DLG2: variants seen among roughly 807,000 people sequenced by gnomAD.
DLG2 encodes the protein disks large homolog 2.
Under a neutral mutation model 132.5 loss-of-function variants are expected in DLG2, and 45 were observed. That is an observed-to-expected ratio of 0.34 (90% confidence interval 0.27 to 0.44). DLG2 has a LOEUF of 0.44. DLG2 is among the 20% of genes least tolerant of loss of function. The pLI, the probability that DLG2 is intolerant of heterozygous loss-of-function variation, is 1.00. For synonymous variants in DLG2, 424 were observed against 419.6 expected, an observed-to-expected ratio of 1.01 and a Z score of -0.13; for missense variants, 1,045 against 1,196.9, an observed-to-expected ratio of 0.87 and a Z score of 1.87.
chr11:84,263,383 T>C (rs1015439473), intron 7 of DLG2, among the ~76,000 whole-genome samples: 1 of 152,176 alleles, frequency 6.6e-6, no homozygotes, highest in Admixed American at 6.6e-5. Context: ...AGAAATTGGT[T>C]TCTAATGACT....
At chr11:83,849,977 A>G (rs1029681603) in intron 16 of DLG2, among the ~76,000 whole-genome samples, 1 of 152,098 alleles carries the variant, frequency 6.6e-6, no homozygotes, top group Non-Finnish European at 1.5e-5. Flanking sequence ...AGGTAAATAC[A>G]CTTCTGGTGC....
chr11:85,423,389 A>C (rs1485646374), intron 3 of DLG2, among the ~76,000 whole-genome samples: 1 of 152,148 alleles, frequency 6.6e-6, no homozygotes, highest in Admixed American at 6.5e-5. Flanking sequence ...TTAATGCACT[A>C]TATTTTGCTG....
intron 3 of DLG2, among the ~76,000 whole-genome samples, chr11:85,414,743 A>G (rs1345732825): frequency 1.3e-5 from 2 of 152,042 alleles, no homozygotes; most frequent in East Asian, 3.9e-4. Context: ...CATTTCTTAC[A>G]TCTATTAGCG....
intron 4 of DLG2, among the ~76,000 whole-genome samples, chr11:85,182,728 A>G (rs1306252101): frequency 6.6e-6 from 1 of 151,416 alleles, no homozygotes; most frequent in Admixed American, 6.6e-5. Context: ...ATAGAAGGGT[A>G]GGAAGCCACA....
intron 11 of DLG2, among the ~76,000 whole-genome samples, chr11:84,058,506 C>T (rs1945810): frequency 0.72 from 92,351 of 127,918 alleles, 31,407 homozygotes; most frequent in Non-Finnish European, 0.79. Flanking sequence ...AAAACAAATA[C>T]AATAATAATA....
At chr11:85,191,139 T>C (rs2080499825) in intron 4 of DLG2, among the ~76,000 whole-genome samples, 1 of 148,640 alleles carries the variant, frequency 6.7e-6, no homozygotes, top group Admixed American at 6.7e-5. Context: ...TTTGTCTATA[T>C]GCATGCGCGC....
chr11:83,918,845 A>G (rs1045077411), intron 15 of DLG2, among the ~76,000 whole-genome samples: 19 of 152,284 alleles, frequency 1.2e-4, no homozygotes, highest in Admixed American at 4.6e-4. Flanking sequence ...TTGGTCAAAA[A>G]AAAAAAGTCT....
rs57368957 is a variant in DLG2 at position 84,740,737 on chromosome 11, C to T, written c.358-206006G>A. On this transcript the variant is annotated intron_variant, in intron 6 of 27. Coordinates refer to ENST00000376104, the MANE Select transcript of DLG2 (RefSeq NM_001142699.3). ...CAGGGAAACCAACCCCTGCCACCTG[C>T]ACTTCCAACCAGAGGAACAGTCTGG... Among the ~76,000 whole-genome samples, 1,439 of 152,256 alleles carry T rather than the reference C, an allele frequency of 9.5e-3. 20 individuals carry two copies. Among genetic ancestry groups the T allele is most frequent in the African/African-American group, 0.032 (1,331 of 41,542 alleles).
intron 6 of DLG2, among the ~76,000 whole-genome samples, chr11:84,753,084 A>G (rs1000898105): frequency 1.3e-5 from 2 of 152,170 alleles, no homozygotes; most frequent in Non-Finnish European, 2.9e-5. Flanking sequence ...TTTTTCCACC[A>G]GAAGTTATTA....
chr11:84,001,756 G>A (rs1342359762), intron 11 of DLG2, among the ~76,000 whole-genome samples: 1 of 151,822 alleles, frequency 6.6e-6, no homozygotes, highest in Non-Finnish European at 1.5e-5. Flanking sequence ...CAGATCACAT[G>A]GAATAAAATT....
At position 85,122,971 on chromosome 11, in the gene DLG2, T is replaced by TATATATA. The variant is rs58158905; in HGVS notation, c.283-11237_283-11236insTATATAT. Among the ~76,000 whole-genome samples, 203 of 43,962 alleles carry TATATATA rather than the reference T, an allele frequency of 4.6e-3. 2 individuals are homozygous for TATATATA. Among genetic ancestry groups the TATATATA allele is most frequent in the South Asian group, 0.011 (13 of 1,230 alleles). 28.8% of individuals were successfully genotyped at this position (43,962 alleles called of 152,430 possible). ...ATATTATATATATATATATATATAT[T>TATATATA]TTTTTTTTTTTTTTTTTTTTTTTTG... On this transcript the variant is annotated intron_variant, in intron 5 of 27. Transcript: ENST00000376104.
chr11:83,790,467 C>T (rs2041233389), intron 17 of DLG2: 1 of 1,200,896 alleles, frequency 8.3e-7, no homozygotes, highest in Non-Finnish European at 1.2e-6. Flanking sequence ...CTCTGTAAGG[C>T]TTGTCACTAC....
At chr11:84,783,458 C>A (rs555804864) in intron 6 of DLG2, among the ~76,000 whole-genome samples, 2 of 152,288 alleles carry the variant, frequency 1.3e-5, no homozygotes, top group South Asian at 2.1e-4. Context: ...CCAGACTAAG[C>A]ATTTTCTGTT....
chr11:85,302,371 T>C (rs1167002431), intron 3 of DLG2, among the ~76,000 whole-genome samples: 1 of 152,246 alleles, frequency 6.6e-6, no homozygotes, highest in Non-Finnish European at 1.5e-5. Context: ...GGCTTTCTTT[T>C]TTCTATGCTT....
intron 18 of DLG2, among the ~76,000 whole-genome samples, chr11:83,758,112 A>G (rs564895206): frequency 6.6e-6 from 1 of 152,340 alleles, no homozygotes; most frequent in South Asian, 2.1e-4. Context: ...CTTGGGAGAA[A>G]GACTCTGAAG....
At chr11:83,566,147 A>G (rs927178713) in intron 19 of DLG2, among the ~76,000 whole-genome samples, 1 of 152,168 alleles carries the variant, frequency 6.6e-6, no homozygotes, top group African/African-American at 2.4e-5. Flanking sequence ...CTTAAAATTC[A>G]CCTTTTAGTC....
chr11:85,225,193 C>G (rs945075617), intron 4 of DLG2, among the ~76,000 whole-genome samples: 4 of 152,034 alleles, frequency 2.6e-5, no homozygotes, highest in African/African-American at 9.7e-5. Context: ...AAAAAAAGCA[C>G]AAGTTATTTA....
intron 3 of DLG2, among the ~76,000 whole-genome samples, chr11:85,566,028 T>C (rs1164994902): frequency 6.6e-6 from 1 of 152,172 alleles, no homozygotes; most frequent in Admixed American, 6.5e-5. Context: ...TTCCATTTGT[T>C]TTTATCATAG....
chr11:84,285,662 C>T (rs1277053777), intron 7 of DLG2, among the ~76,000 whole-genome samples: 2 of 152,128 alleles, frequency 1.3e-5, no homozygotes, highest in Non-Finnish European at 2.9e-5. Context: ...GACCTAATGC[C>T]CCCTAGGGAA....
Sources: gnomAD v4.1 joint callset for allele counts (sites outside exome capture counted in the v4.1 genomes callset) on GRCh38, gnomAD v4.1.1 for gene constraint, MANE v1.5 for transcripts, NCBI Gene and HGNC (gene_info 2026-07-23, HGNC 2026-07-21) for gene names.